Variants in CNTNAP2 observed in about 807,000 individuals in gnomAD.
CNTNAP2 encodes the protein contactin-associated protein-like 2.
A neutral mutation model predicts 155.2 loss-of-function variants in CNTNAP2; 98 were observed. The observed-to-expected ratio is 0.63, with a 90% CI of 0.54 to 0.75. The LOEUF is 0.75. Ranked by LOEUF, CNTNAP2 falls within the 30% of genes least tolerant of loss-of-function variation. The pLI is 0.00. For missense variants in CNTNAP2, 1,727 were observed against 1,688.1 expected (o/e 1.02, Z -0.40); for synonymous variants, 651 against 631.2 (o/e 1.03, Z -0.47).
intron 8 of CNTNAP2, among the ~76,000 whole-genome samples, chr7:147,223,332 C>G (rs1217358263): frequency 6.6e-6 from 1 of 152,158 alleles, no homozygotes; most frequent in Non-Finnish European, 1.5e-5. Context: ...ACAACACATT[C>G]CATGAAGCAG....
intron 15 of CNTNAP2, among the ~76,000 whole-genome samples, chr7:148,029,243 G>C (rs1322681116): frequency 6.6e-6 from 1 of 152,142 alleles, no homozygotes; most frequent in Admixed American, 6.5e-5. Flanking sequence ...CAACTCCAAA[G>C]TTCTATGCTT....
At chr7:147,026,031 T>C (rs1798912754) in intron 3 of CNTNAP2, among the ~76,000 whole-genome samples, 1 of 152,120 alleles carries the variant, frequency 6.6e-6, no homozygotes, top group Non-Finnish European at 1.5e-5. Flanking sequence ...GGCTAATTTT[T>C]GCCTTTTTAG....
intron 1 of CNTNAP2, among the ~76,000 whole-genome samples, chr7:146,386,980 G>T (rs189385862): frequency 6.6e-6 from 1 of 152,234 alleles, no homozygotes; most frequent in African/African-American, 2.4e-5. Context: ...AGTGAAGGGA[G>T]AATGCCCCTA....
chr7:146,895,844 C>T lies in CNTNAP2; in HGVS notation c.402+55940C>T, dbSNP rs115840999. ...TAAAGCTATTTTGAGCTTCAGTCCC[C>T]GACGGCATAAATTCTCATTTTCACA... On this transcript the variant is annotated intron_variant, in intron 3 of 23. Transcript: ENST00000361727. 2.3e-3 allele frequency among the ~76,000 whole-genome samples: 356 copies of T among 152,134 alleles called. 3 individuals carry two copies. Among genetic ancestry groups the T allele is most frequent in the African/African-American group, 8.0e-3 (333 of 41,544 alleles).
chr7:146,743,773 C>T (rs1326885608), intron 1 of CNTNAP2, among the ~76,000 whole-genome samples: 1 of 152,118 alleles, frequency 6.6e-6, no homozygotes, highest in Non-Finnish European at 1.5e-5. Flanking sequence ...CCAAGACAGC[C>T]AAACCCTCTG....
At chr7:147,497,465 CAT>C (rs1269690239) in intron 11 of CNTNAP2, among the ~76,000 whole-genome samples, 1 of 152,212 alleles carries the variant, frequency 6.6e-6, no homozygotes, top group Non-Finnish European at 1.5e-5. Flanking sequence ...ATTAATTAAA[CAT>C]GTCTTTCTTG....
intron 21 of CNTNAP2, among the ~76,000 whole-genome samples, chr7:148,346,656 CA>C (rs1798331479): frequency 6.6e-6 from 1 of 151,826 alleles, no homozygotes; most frequent in Non-Finnish European, 1.5e-5. Flanking sequence ...CCTATAATCC[CA>C]GCTACCTGGG....
chr7:146,556,824 T>G (rs1457814620), intron 1 of CNTNAP2, among the ~76,000 whole-genome samples: 1 of 151,232 alleles, frequency 6.6e-6, no homozygotes, highest in Non-Finnish European at 1.5e-5. Flanking sequence ...CTGGCACTAT[T>G]TAGTAAATCT....
At chr7:146,370,453 G>GA (rs1038961776) in intron 1 of CNTNAP2, among the ~76,000 whole-genome samples, 42 of 140,696 alleles carry the variant, frequency 3.0e-4, no homozygotes, top group Middle Eastern at 3.6e-3. Flanking sequence ...AGAGAAAAAG[G>GA]AAAAAAAAAA....
chr7:147,328,901 G>C (rs1198715609), intron 9 of CNTNAP2, among the ~76,000 whole-genome samples: 1 of 152,116 alleles, frequency 6.6e-6, no homozygotes, highest in African/African-American at 2.4e-5. Flanking sequence ...ATCTGTAGTT[G>C]AACCTTAAAA....
chr7:146,885,195 C>T (rs543676213), intron 3 of CNTNAP2, among the ~76,000 whole-genome samples: 6 of 151,954 alleles, frequency 3.9e-5, no homozygotes, highest in African/African-American at 1.5e-4. Flanking sequence ...AATTTGCTTC[C>T]GAAATGTTAA....
chr7:147,012,537 C>G (rs544542770), intron 3 of CNTNAP2, among the ~76,000 whole-genome samples: 1 of 152,000 alleles, frequency 6.6e-6, no homozygotes, highest in East Asian at 1.9e-4. Flanking sequence ...GAAATTGAAC[C>G]TAAATAGTAG....
At chr7:147,637,622 C>T (rs998381675) in intron 12 of CNTNAP2, among the ~76,000 whole-genome samples, 67 of 152,208 alleles carry the variant, frequency 4.4e-4, no homozygotes, top group African/African-American at 1.4e-3. Context: ...GAGTTTCCCA[C>T]GGGCAGGGAT....
intron 6 of CNTNAP2, chr7:147,122,197 G>T (rs552109077): frequency 1.5e-4 from 23 of 152,000 alleles, no homozygotes; most frequent in African/African-American, 5.5e-4. Flanking sequence ...ACGAAAAAAA[G>T]ATGTTTGTCA....
rs539596527 is a variant in CNTNAP2 at position 146,355,680 on chromosome 7, A to G, written c.97+238707A>G. Among the ~76,000 whole-genome samples the G allele has an allele frequency of 5.9e-5, 9 of 152,326 alleles. No individual in the cohort carries two copies. In the South Asian group the frequency reaches 1.7e-3, roughly 28 times the overall value. On this transcript the variant is annotated intron_variant, in intron 1 of 23. Transcript: ENST00000361727. ...ATACAGTTAGATACTATAAGTGCATAAATCTACATAGTCCACAATACTTTT... is the reference window on the plus strand; with the variant it reads ...ATACAGTTAGATACTATAAGTGCATGAATCTACATAGTCCACAATACTTTT...
At chr7:146,498,028 A>G (rs1481092293) in intron 1 of CNTNAP2, among the ~76,000 whole-genome samples, 1 of 152,072 alleles carries the variant, frequency 6.6e-6, no homozygotes, top group African/African-American at 2.4e-5. Flanking sequence ...TGGAACTCAC[A>G]GTTAGTAAGA....
At chr7:146,855,544 G>A (rs1296279389) in intron 3 of CNTNAP2, among the ~76,000 whole-genome samples, 1 of 151,806 alleles carries the variant, frequency 6.6e-6, no homozygotes, top group African/African-American at 2.4e-5. Flanking sequence ...GGATTTGCTG[G>A]ATATATTGTT....
intron 8 of CNTNAP2, among the ~76,000 whole-genome samples, chr7:147,183,694 G>A (rs1039450142): frequency 2.0e-5 from 3 of 152,048 alleles, no homozygotes; most frequent in Admixed American, 6.6e-5. Context: ...TCAATATCAC[G>A]GGCTTGGGAT....
chr7:147,873,388 G>A (rs570345307), intron 13 of CNTNAP2, among the ~76,000 whole-genome samples: 1 of 152,122 alleles, frequency 6.6e-6, no homozygotes, highest in South Asian at 2.1e-4. Flanking sequence ...TGGCTGGGGA[G>A]GCCTCACAAT....
Sources: gnomAD v4.1 joint callset for allele counts (sites outside exome capture counted in the v4.1 genomes callset) on GRCh38, gnomAD v4.1.1 for gene constraint, MANE v1.5 for transcripts, NCBI Gene and HGNC (gene_info 2026-07-23, HGNC 2026-07-21) for gene names.